The following NLRP5 variants were observed in gnomAD, a reference collection of about 807,000 sequenced individuals.
The protein encoded by NLRP5 is NLR family pyrin domain containing 5.
In NLRP5, 93 loss-of-function variants were observed where a neutral mutation model predicts 113.1. That is an observed-to-expected ratio of 0.82 (90% CI 0.70 to 0.98). The LOEUF is 0.98. Ranked by LOEUF, NLRP5 falls within the 50% of genes least tolerant of loss-of-function variation. The probability of loss-of-function intolerance (pLI) is 0.00; values close to 1 mark genes in which losing one functional copy is unlikely to be tolerated. For synonymous variants in NLRP5, 751 were observed against 600.7 expected, an observed-to-expected ratio of 1.25 and a Z score of -3.66; for missense variants, 1,808 against 1,514.3, an observed-to-expected ratio of 1.19 and a Z score of -3.22.
At chr19:56,009,758 A>C (rs1982110520) in intron 3 of NLRP5, among the ~76,000 whole-genome samples, 1 of 152,170 alleles carries the variant, frequency 6.6e-6, no homozygotes, top group Admixed American at 6.5e-5. Flanking sequence ...CCCAGCAGCC[A>C]GTGTTGACCG....
At chr19:56,013,774 G>A (rs1213395389) in intron 3 of NLRP5, among the ~76,000 whole-genome samples, 4 of 151,734 alleles carry the variant, frequency 2.6e-5, no homozygotes. Flanking sequence ...TTTCTTGAGT[G>A]ACTGCACCAT....
intron 11 of NLRP5, among the ~76,000 whole-genome samples, chr19:56,043,781 G>A (rs148023389): frequency 0.11 from 16,064 of 151,228 alleles, 917 homozygotes; most frequent in African/African-American, 0.14. Context: ...GTTTCACCAC[G>A]TTAGCCAGGA....
intron 3 of NLRP5, among the ~76,000 whole-genome samples, chr19:56,012,909 A>G (rs1982253216): frequency 6.6e-6 from 1 of 152,194 alleles, no homozygotes; most frequent in Non-Finnish European, 1.5e-5. Context: ...GCTTTTTTAA[A>G]GTTGAGAGAA....
chr19:55,997,914 C>T (rs1381734322), upstream of NLRP5, among the ~76,000 whole-genome samples: 1 of 151,882 alleles, frequency 6.6e-6, no homozygotes, highest in Non-Finnish European at 1.5e-5. Flanking sequence ...TAAAGTGTTT[C>T]TGTTGATACT....
intron 6 of NLRP5, among the ~76,000 whole-genome samples, chr19:56,026,412 C>T (rs1599891150): frequency 6.6e-6 from 1 of 150,674 alleles, no homozygotes; most frequent in African/African-American, 2.4e-5. Flanking sequence ...CCTGTAGTCC[C>T]AGCTACTCAG....
At chr19:55,993,140 C>T in the NLRP5 span, among the ~76,000 whole-genome samples, 8 of 151,996 alleles carry the variant, frequency 5.3e-5, no homozygotes, top group African/African-American at 1.2e-4. Context: ...TGAGCCACTG[C>T]GCCCGGCCCG....
chr19:56,002,947 C>T (rs1420051448), intron 1 of NLRP5, among the ~76,000 whole-genome samples: 1 of 152,082 alleles, frequency 6.6e-6, no homozygotes, highest in Middle Eastern at 3.4e-3. Context: ...ATTAAAAAGT[C>T]AGGAAACAAC....
Position 56,061,457 on chromosome 19 carries a change from A to C in NLRP5, c.3532A>C (p.Lys1178Gln), listed in dbSNP as rs1405298890. The C allele has an allele frequency of 1.2e-6, 2 of 1,613,858 alleles. No individual in the cohort carries two copies. Among genetic ancestry groups the C allele is most frequent in the Non-Finnish European group, 1.7e-6 (2 of 1,179,830 alleles). The change falls in exon 15 of 15, where the codon AAG (lysine) becomes CAG (glutamine). Residue 1178 changes from lysine to glutamine, a missense_variant. Physicochemically the swap from Lys to Gln is moderately conservative, Grantham distance 53 (BLOSUM62 1). Coordinates refer to ENST00000390649, the MANE Select transcript of NLRP5 (RefSeq NM_153447.4). ...GCTGCTGGAGGAAGTGCAGCTACTCAAGCCCCGAGTCGTAATTGACGGTAG... is the reference window on the plus strand; with the variant it reads ...GCTGCTGGAGGAAGTGCAGCTACTCCAGCCCCGAGTCGTAATTGACGGTAG...
At chr19:55,998,658 A>ATGTGTGTGTGTG (rs145042875), upstream of NLRP5, among the ~76,000 whole-genome samples, 13,705 of 42,644 alleles carry the variant, frequency 0.32, 2,644 homozygotes, top group Non-Finnish European at 0.36. Context: ...GTCTCAAAAT[A>ATGTGTGTGTGTG]TGTGTGTGTG....
chr19:56,041,993 A>G (rs1211045715), intron 11 of NLRP5, among the ~76,000 whole-genome samples: 5 of 152,066 alleles, frequency 3.3e-5, no homozygotes, highest in Non-Finnish European at 5.9e-5. Context: ...AAGCACAAAA[A>G]TCCAACAAAC....
chr19:55,990,084 T>C, the NLRP5 span, among the ~76,000 whole-genome samples: 1,327 of 33,124 alleles, frequency 0.04, 17 homozygotes, highest in South Asian at 0.097. Flanking sequence ...TTTTTCTTTT[T>C]TTTTTTTTTT....
the NLRP5 span, among the ~76,000 whole-genome samples, chr19:55,991,752 TTATC>T: frequency 2.0e-5 from 3 of 152,216 alleles, no homozygotes; most frequent in South Asian, 6.2e-4. Context: ...TACCTCCTCT[TTATC>T]TGATTGCTTT....
chr19:56,044,376 T>C (rs976970339), intron 11 of NLRP5, among the ~76,000 whole-genome samples: 1 of 152,212 alleles, frequency 6.6e-6, no homozygotes, highest in African/African-American at 2.4e-5. Context: ...CTAATACATC[T>C]TGAGCTGATT....
chr19:56,046,564 G>A (rs953557905), intron 11 of NLRP5, among the ~76,000 whole-genome samples: 22 of 151,544 alleles, frequency 1.5e-4, no homozygotes, highest in African/African-American at 3.9e-4. Context: ...TTTCTGACAC[G>A]GAGTCTCACT....
At chr19:56,046,242 G>C (rs1036727092) in intron 11 of NLRP5, among the ~76,000 whole-genome samples, 1 of 152,208 alleles carries the variant, frequency 6.6e-6, no homozygotes, top group East Asian at 1.9e-4. Flanking sequence ...AGTTTATGTG[G>C]TGTATCACAT....
chr19:56,013,534 G>A (rs1982281478), intron 3 of NLRP5, among the ~76,000 whole-genome samples: 1 of 140,266 alleles, frequency 7.1e-6, no homozygotes, highest in Non-Finnish European at 1.5e-5. Flanking sequence ...TTTTATGGCT[G>A]AACAGTATTC....
At chr19:56,038,563 A>G (rs952703332) in intron 10 of NLRP5, among the ~76,000 whole-genome samples, 12 of 152,182 alleles carry the variant, frequency 7.9e-5, no homozygotes, top group African/African-American at 2.4e-4. Context: ...CAGTCACTCA[A>G]AGAACATGGG....
At chr19:56,007,896 C>CAA (rs1981993823) in intron 2 of NLRP5, among the ~76,000 whole-genome samples, 18 of 97,842 alleles carry the variant, frequency 1.8e-4, no homozygotes, top group Non-Finnish European at 4.7e-5. Context: ...TGTGCGCGTG[C>CAA]GCGCGTGCGT....
intron 8 of NLRP5, 61 bp downstream of exon 8, chr19:56,032,842 T>C: frequency 2.0e-6 from 3 of 1,495,936 alleles, no homozygotes; most frequent in South Asian, 1.3e-5. Context: ...AGCTCTCCCC[T>C]ACCTCCTGAG....
Sources: allele counts gnomAD v4.1 joint callset (sites outside exome capture counted in the v4.1 genomes callset), GRCh38; gene constraint gnomAD v4.1.1; transcripts MANE v1.5; gene names NCBI Gene and HGNC (gene_info 2026-07-23, HGNC 2026-07-21).